The following ADCK1 variants were observed in gnomAD, a reference collection of about 807,000 sequenced individuals.
ADCK1 encodes the protein aarF domain-containing protein kinase 1.
Under a neutral mutation model 52.3 loss-of-function variants are expected in ADCK1, and 41 were observed. That is an observed-to-expected ratio of 0.78 (90% CI 0.61 to 1.02). ADCK1 has a LOEUF of 1.02. Among genes scored for constraint, ADCK1 ranks in the 50% least tolerant of loss-of-function variants. ADCK1 has a pLI of 0.00. For synonymous variants in ADCK1, 250 were observed against 274.6 expected (o/e 0.91, Z 0.89); for missense variants, 658 against 679.5 (o/e 0.97, Z 0.35).
chr14:77,862,766 G>A (rs756819043), intron 4 of ADCK1, among the ~76,000 whole-genome samples: 16 of 152,194 alleles, frequency 1.1e-4, no homozygotes, highest in Non-Finnish European at 1.9e-4. Context: ...CGGACATTTG[G>A]GTGTAGCCAG....
At chr14:77,922,655 G>A (rs929718237) in intron 7 of ADCK1, among the ~76,000 whole-genome samples, 9 of 152,204 alleles carry the variant, frequency 5.9e-5, no homozygotes, top group African/African-American at 1.7e-4. Flanking sequence ...GCAAGCCAGC[G>A]TAGAATAGCA....
At chr14:77,925,621 G>T in intron 8 of ADCK1, 143 bp from the exon 9 acceptor site, 5 of 787,588 alleles carry the variant, frequency 6.3e-6, no homozygotes, top group African/African-American at 1.7e-5. Context: ...CTTCAGGGAT[G>T]GCAGAGCTCT....
chr14:77,870,480 A>G (rs1329624523), intron 4 of ADCK1, among the ~76,000 whole-genome samples: 1 of 152,234 alleles, frequency 6.6e-6, no homozygotes, highest in Non-Finnish European at 1.5e-5. Flanking sequence ...ATAAAGAGAC[A>G]TTTTAGGCAA....
intron 1 of ADCK1, among the ~76,000 whole-genome samples, chr14:77,805,636 A>C (rs2081208133): frequency 6.6e-6 from 1 of 152,208 alleles, no homozygotes; most frequent in African/African-American, 2.4e-5. Context: ...CAGCAAGTGC[A>C]AAAGCTCTGG....
intron 7 of ADCK1, among the ~76,000 whole-genome samples, chr14:77,922,003 T>G (rs1308982976): frequency 1.3e-5 from 2 of 152,268 alleles, no homozygotes; most frequent in Non-Finnish European, 2.9e-5. Context: ...CTGGCTGCAC[T>G]GCTTATCTTG....
chr14:77,899,543 C>T (rs1358499269), intron 6 of ADCK1, among the ~76,000 whole-genome samples: 3 of 152,120 alleles, frequency 2.0e-5, no homozygotes, highest in African/African-American at 2.4e-5. Context: ...ACCTATATGC[C>T]GTGGTCTCTG....
At chr14:77,821,641 G>A (rs1371632167) in intron 2 of ADCK1, among the ~76,000 whole-genome samples, 1 of 152,080 alleles carries the variant, frequency 6.6e-6, no homozygotes, top group African/African-American at 2.4e-5. Flanking sequence ...AGCACTTTGG[G>A]AGGCTGAGGT....
intron 6 of ADCK1, chr14:77,900,502 G>A (rs2083510773): frequency 4.7e-6 from 2 of 429,718 alleles, no homozygotes; most frequent in Non-Finnish European, 4.7e-6. Context: ...CAGGAGAATC[G>A]CTTGGACCCA....
chr14:77,822,397 C>G, intron 2 of ADCK1, 38 bp from the exon 3 acceptor site: 2 of 1,531,752 alleles, frequency 1.3e-6, no homozygotes, highest in Non-Finnish European at 1.8e-6. Context: ...TACTTAATGT[C>G]CAGGTGCTAA....
intron 4 of ADCK1, among the ~76,000 whole-genome samples, chr14:77,879,364 G>T (rs989136767): frequency 6.6e-6 from 1 of 152,226 alleles, no homozygotes; most frequent in Non-Finnish European, 1.5e-5. Flanking sequence ...CAAGGAAGGT[G>T]CATGAACCCT....
intron 3 of ADCK1, among the ~76,000 whole-genome samples, chr14:77,847,588 A>C (rs1246154492): frequency 6.6e-6 from 1 of 152,118 alleles, no homozygotes; most frequent in Non-Finnish European, 1.5e-5. Flanking sequence ...AAAACCCCAC[A>C]AAAAACCCAC....
At chr14:77,879,251 T>G (rs1018334417) in intron 4 of ADCK1, among the ~76,000 whole-genome samples, 1 of 152,220 alleles carries the variant, frequency 6.6e-6, no homozygotes, top group African/African-American at 2.4e-5. Flanking sequence ...TGTAAGGTGC[T>G]TTTGATGCAG....
chr14:77,905,381 A>G (rs935222121), intron 6 of ADCK1, among the ~76,000 whole-genome samples: 1 of 132,392 alleles, frequency 7.6e-6, no homozygotes, highest in Non-Finnish European at 1.5e-5. Context: ...CGTATTCTTC[A>G]CCCACTGCAA....
intron 3 of ADCK1, among the ~76,000 whole-genome samples, chr14:77,834,776 C>T (rs73319440): frequency 0.015 from 2,248 of 152,286 alleles, 57 homozygotes; most frequent in African/African-American, 0.051. Flanking sequence ...CTCCAGTTGC[C>T]CCTACCACCT....
chr14:77,839,163 T>G (rs1054040563), intron 3 of ADCK1, among the ~76,000 whole-genome samples: 1 of 152,152 alleles, frequency 6.6e-6, no homozygotes, highest in South Asian at 2.1e-4. Flanking sequence ...AGGGAGAGTC[T>G]GGGAAGGGCT....
intron 6 of ADCK1, among the ~76,000 whole-genome samples, chr14:77,905,304 GTTTTTTTTTTT>G (rs58057378): frequency 1.0e-5 from 1 of 96,278 alleles, no homozygotes; most frequent in African/African-American, 4.3e-5. Flanking sequence ...TTCCTAGCTG[GTTTTTTTTTTT>G]TTTTTTTTTG....
At chr14:77,863,768 C>T (rs1259482470) in intron 4 of ADCK1, among the ~76,000 whole-genome samples, 4 of 151,334 alleles carry the variant, frequency 2.6e-5, no homozygotes, top group Admixed American at 6.6e-5. Context: ...ACCCAGGAGG[C>T]GGAGGTTGCA....
chr14:77,861,251 G>T (rs1050766880), intron 4 of ADCK1, among the ~76,000 whole-genome samples: 1 of 152,142 alleles, frequency 6.6e-6, no homozygotes, highest in African/African-American at 2.4e-5. Context: ...AGCCCTCTGG[G>T]TTCTTACCAG....
intron 3 of ADCK1, among the ~76,000 whole-genome samples, chr14:77,824,780 G>A (rs952445796): frequency 1.3e-5 from 2 of 152,094 alleles, no homozygotes; most frequent in Non-Finnish European, 2.9e-5. Context: ...GGATCAAAAT[G>A]TCCAAATAAG....
Sources: gnomAD v4.1 joint callset for allele counts (sites outside exome capture counted in the v4.1 genomes callset) on GRCh38, gnomAD v4.1.1 for gene constraint, MANE v1.5 for transcripts, NCBI Gene and HGNC (gene_info 2026-07-23, HGNC 2026-07-21) for gene names.